The following DNMT3B variants were observed in gnomAD, a reference collection of about 807,000 sequenced individuals.
The protein encoded by DNMT3B is DNA methyltransferase 3 beta.
In DNMT3B, 37 loss-of-function variants were observed where a neutral mutation model predicts 120.2. The observed-to-expected ratio is 0.31, with a 90% CI of 0.24 to 0.40. The LOEUF is 0.40. Among genes scored for constraint, DNMT3B ranks in the 10% least tolerant of loss-of-function variants. The probability of loss-of-function intolerance (pLI) is 1.00; values close to 1 mark genes in which losing one functional copy is unlikely to be tolerated. For missense variants in DNMT3B, 878 were observed against 1,137.3 expected (o/e 0.77, Z 3.28); for synonymous variants, 412 against 442.8 (o/e 0.93, Z 0.87).
intron 15 of DNMT3B, 46 bp downstream of exon 15, chr20:32,798,689 C>T (rs757694809): frequency 6.2e-7 from 1 of 1,611,750 alleles, no homozygotes; most frequent in Admixed American, 1.7e-5. Flanking sequence ...CCCAGGGGCA[C>T]AGGGTGTTGG....
At chr20:32,784,517 G>T (rs1979018471) in intron 3 of DNMT3B, among the ~76,000 whole-genome samples, 1 of 152,158 alleles carries the variant, frequency 6.6e-6, no homozygotes, top group African/African-American at 2.4e-5. Context: ...CTGGGTTTTG[G>T]TGTGAGGTGT....
At chr20:32,798,229 TCGGG>T (rs747769705) in intron 14 of DNMT3B, among the ~76,000 whole-genome samples, 5 of 152,214 alleles carry the variant, frequency 3.3e-5, no homozygotes, top group African/African-American at 4.8e-5. Context: ...AAGTAGGTTG[TCGGG>T]AGAGCATTTC....
chr20:32,806,431 T>A, intron 22 of DNMT3B, 104 bp downstream of exon 22: 1 of 1,057,454 alleles, frequency 9.5e-7, no homozygotes, highest in Non-Finnish European at 1.5e-6. Flanking sequence ...CACTGCCCTT[T>A]GGTGTTACTG....
chr20:32,780,033 C>A, intron 1 of DNMT3B: 1 of 1,545,284 alleles, frequency 6.5e-7, no homozygotes, highest in Non-Finnish European at 8.8e-7. Context: ...TTGCACAGAG[C>A]AGTCTGAGCC....
At chr20:32,806,784 C>T (rs1281061033) in intron 22 of DNMT3B, among the ~76,000 whole-genome samples, 1 of 151,840 alleles carries the variant, frequency 6.6e-6, no homozygotes, top group African/African-American at 2.4e-5. Context: ...GATTTCAGTT[C>T]TGTTCTGTTC....
At chr20:32,793,034 T>G (rs1179316494) in intron 9 of DNMT3B, among the ~76,000 whole-genome samples, 2 of 152,262 alleles carry the variant, frequency 1.3e-5, no homozygotes, top group Non-Finnish European at 2.9e-5. Flanking sequence ...CAGTGTTGAC[T>G]AGCACCTTTT....
chr20:32,781,349 A>C lies in DNMT3B; in HGVS notation c.143-4A>C. On this transcript the variant is annotated splice_polypyrimidine_tract_variant and splice_region_variant and intron_variant, in intron 2 of 22. Transcript: ENST00000328111. ...AAACAGACTCCTGGCTGTTTCCTCT[A>C]CAGGCCGAAGATCAAGCTCGCGACT... 6.2e-7 allele frequency: 1 copy of C among 1,614,056 alleles called. No homozygotes were observed. Among genetic ancestry groups the C allele is most frequent in the Non-Finnish European group, 8.5e-7 (1 of 1,180,010 alleles).
At chr20:32,780,763 C>G (rs561943856) in intron 2 of DNMT3B, among the ~76,000 whole-genome samples, 2 of 152,228 alleles carry the variant, frequency 1.3e-5, no homozygotes, top group African/African-American at 4.8e-5. Context: ...TTGGAGAGCC[C>G]TTCTGCAGTG....
At position 32,800,145 on chromosome 20, in the gene DNMT3B, C is replaced by T. The variant is rs2424926; in HGVS notation, c.1760-8C>T. On this transcript the variant is annotated splice_polypyrimidine_tract_variant and splice_region_variant and intron_variant, in intron 16 of 22. Transcript: ENST00000328111. Reference sequence around the variant, plus strand: ...ATTTATGCTTCTGTGTCTCTCTGGCCCCCACAGGCTACCTAGTCCTCAAAG... The same window carrying T: ...ATTTATGCTTCTGTGTCTCTCTGGCTCCCACAGGCTACCTAGTCCTCAAAG... 6,364 of 1,614,126 alleles carry T rather than the reference C, an allele frequency of 3.9e-3. 100 individuals are homozygous for T. Among genetic ancestry groups the T allele is most frequent in the Middle Eastern group, 8.9e-3 (54 of 6,062 alleles).
intron 21 of DNMT3B, among the ~76,000 whole-genome samples, 195 bp from the exon 22 acceptor site, chr20:32,806,014 C>T (rs1601140963): frequency 6.6e-6 from 1 of 152,090 alleles, no homozygotes; most frequent in South Asian, 2.1e-4. Flanking sequence ...CTCTGCTTTT[C>T]GCTCCCTGCC....
In DNMT3B at chr20:32,780,344, T is replaced by C; in HGVS notation, c.21T>C (p.His7=). 1 of 1,613,962 alleles carries C rather than the reference T, an allele frequency of 6.2e-7. No individual in the cohort carries two copies. Among genetic ancestry groups the C allele is most frequent in the South Asian group, 1.1e-5 (1 of 91,066 alleles). Residue 7 remains histidine, a synonymous_variant, in exon 2 of 23, where the codon CAT becomes CAC. Transcript: ENST00000328111. The part of the protein sequence containing the change: MKGDTR[H]LNGEEDAGGR... The stretch of plus-strand genomic sequence containing the variant: ...AAAGCATGAAGGGAGACACCAGGCA[T>C]CTCAATGGAGAGGAGGACGCCGGCG...
intron 1 of DNMT3B, among the ~76,000 whole-genome samples, chr20:32,774,658 C>T (rs936895144): frequency 2.0e-5 from 3 of 151,786 alleles, no homozygotes; most frequent in African/African-American, 7.3e-5. Context: ...TCAACCCTTG[C>T]TCCTTCCCAT....
chr20:32,762,611 G>GC lies in DNMT3B; in HGVS notation c.-92dup. On this transcript the variant is annotated 5_prime_UTR_variant, in exon 1 of 23. Transcript: ENST00000328111. Reference sequence around the variant, plus strand: ...GGCGCCGGAGATTCGCGAGCCCAGCGCCCTGCACGGCCGCCAGCCGGCCTC... The same window carrying GC: ...GGCGCCGGAGATTCGCGAGCCCAGCGCCCCTGCACGGCCGCCAGCCGGCCTC... The GC allele has an allele frequency of 3.4e-6, 1 of 295,426 alleles. No homozygotes were observed. Among genetic ancestry groups the GC allele is most frequent in the Non-Finnish European group, 7.0e-6 (1 of 141,944 alleles). The allele number at this position is 295,426 out of a possible 1,614,324, so 18.3% of individuals were successfully genotyped here.
rs1979972758 is a variant in DNMT3B, at chr20:32,791,536, T to C, written c.814-65T>C. On this transcript the variant is annotated intron_variant, in intron 7 of 22. Coordinates refer to ENST00000328111, the MANE Select transcript of DNMT3B (RefSeq NM_006892.4). Reference sequence around the variant, plus strand: ...AATCTTCTGCATCTGATGGACAACATTGTGATAGACATGGCACCTGGGACA... The same window carrying C: ...AATCTTCTGCATCTGATGGACAACACTGTGATAGACATGGCACCTGGGACA... The C allele has an allele frequency of 4.0e-6, 6 of 1,503,712 alleles. No homozygotes were observed. In the Middle Eastern group the frequency reaches 6.8e-4, roughly 171 times the overall value. The allele number at this position is 1,503,712 out of a possible 1,614,324, so 93.1% of individuals were successfully genotyped here.
At chr20:32,805,888 C>G (rs1045095389) in intron 21 of DNMT3B, among the ~76,000 whole-genome samples, 1 of 152,074 alleles carries the variant, frequency 6.6e-6, no homozygotes, top group East Asian at 1.9e-4. Flanking sequence ...CTTCTTGGCC[C>G]CCCACGTGAT....
chr20:32,787,079 G>A (rs987056782), intron 5 of DNMT3B, 151 bp from the exon 6 acceptor site: 13 of 898,658 alleles, frequency 1.4e-5, no homozygotes, highest in Non-Finnish European at 2.4e-5. Context: ...AGGGATACGT[G>A]TTCCTGGAAA....
rs1601144651 is a variant in DNMT3B at position 32,807,621 on chromosome 20, G to C, written c.2421-141G>C. The C allele has an allele frequency of 6.4e-6, 8 of 1,241,304 alleles. No homozygotes were observed. The East Asian group carries it at 1.6e-4, about 25-fold the overall frequency. 76.9% of individuals were successfully genotyped at this position (1,241,304 alleles called of 1,614,324 possible). On this transcript the variant is annotated intron_variant, in intron 22 of 22. Transcript: ENST00000328111. ...TGTAAGCAAGTGTTCTGAATTAAGG[G>C]CTCTGAATTTAGGTCCTTGGGGACC... is the stretch of plus-strand genomic sequence containing the variant.
intron 1 of DNMT3B, among the ~76,000 whole-genome samples, chr20:32,774,178 G>C (rs1987929046): frequency 6.6e-6 from 1 of 151,552 alleles, no homozygotes; most frequent in Non-Finnish European, 1.5e-5. Context: ...GTCCCTCCCT[G>C]GGCTTACTTA....
chr20:32,800,438 A>T (rs1981190104), intron 17 of DNMT3B, 140 bp downstream of exon 17: 1 of 1,323,148 alleles, frequency 7.6e-7, no homozygotes. Flanking sequence ...CTTAAGCATT[A>T]GGTTAGGGTC....
Sources: gnomAD v4.1 joint callset for allele counts (sites outside exome capture counted in the v4.1 genomes callset) on GRCh38, gnomAD v4.1.1 for gene constraint, MANE v1.5 for transcripts, NCBI Gene and HGNC (gene_info 2026-07-23, HGNC 2026-07-21) for gene names.